Variants in SLC13A4 observed in about 807,000 individuals in gnomAD.
SLC13A4 encodes solute carrier family 13 member 4.
In SLC13A4, 28 loss-of-function variants were observed where a neutral mutation model predicts 72.7. The ratio of observed to expected loss-of-function variants is 0.39; its 90% CI spans 0.29 to 0.53. SLC13A4 has a LOEUF of 0.53. Ranked by LOEUF, SLC13A4 falls within the 20% of genes least tolerant of loss-of-function variation. The pLI, the probability that SLC13A4 is intolerant of heterozygous loss-of-function variation, is 0.78. For missense variants in SLC13A4, 653 were observed against 788.0 expected, an observed-to-expected ratio of 0.83 and a Z score of 2.05; for synonymous variants, 312 against 325.5, an observed-to-expected ratio of 0.96 and a Z score of 0.45.
At chr7:135,691,090 G>A in intron 13 of SLC13A4, 111 bp downstream of exon 13, 4 of 939,252 alleles carry the variant, frequency 4.3e-6, no homozygotes, top group Non-Finnish European at 4.6e-6. Context: ...CTTGAACCCA[G>A]GAGGCGGAGG....
chr7:135,701,153 G>A (rs550183145), intron 7 of SLC13A4, among the ~76,000 whole-genome samples: 6 of 152,260 alleles, frequency 3.9e-5, no homozygotes, highest in Admixed American at 1.3e-4. Flanking sequence ...TACATAATAA[G>A]CATTTAATAA....
intron 2 of SLC13A4, among the ~76,000 whole-genome samples, chr7:135,719,980 A>T: frequency 6.6e-6 from 1 of 151,914 alleles, no homozygotes; most frequent in African/African-American, 2.4e-5. Flanking sequence ...AGAGAGAAAG[A>T]GAGAGAAAGA....
Position 135,721,516 on chromosome 7 carries a change from G to A in SLC13A4, c.107C>T (p.Ser36Leu). ...AGTCACGATCAGCACGTAAGCACAC[G>A]AGGCCTCCTGCAAGGCAAGGAAAGG... ...LPVLHPSSEASCAYVLIVTAV... is the reference protein window; with the variant it reads ...LPVLHPSSEALCAYVLIVTAV... The change falls in exon 2 of 16, where the codon TCG (serine) becomes TTG (leucine). Residue 36 changes from serine to leucine, a missense_variant. Coordinates refer to ENST00000682651, the MANE Select transcript of SLC13A4 (RefSeq NM_001318192.2). 2 of 1,613,950 alleles carry A rather than the reference G, an allele frequency of 1.2e-6. No homozygotes were observed. The highest frequency in any genetic ancestry group is 1.7e-5 in the Admixed American group (1 of 60,018).
chr7:135,721,697 A>C (rs1000399103), intron 1 of SLC13A4, among the ~76,000 whole-genome samples, 174 bp from the exon 2 acceptor site: 4 of 152,174 alleles, frequency 2.6e-5, no homozygotes, highest in African/African-American at 9.7e-5. Flanking sequence ...TGGTGAGTCC[A>C]TCCTTTGGTG....
chr7:135,724,980 A>C (rs908032289), intron 1 of SLC13A4, among the ~76,000 whole-genome samples: 1 of 152,192 alleles, frequency 6.6e-6, no homozygotes, highest in Admixed American at 6.5e-5. Flanking sequence ...GCTGAACTGC[A>C]CTGGACTTCT....
intron 3 of SLC13A4, among the ~76,000 whole-genome samples, 187 bp from the exon 4 acceptor site, chr7:135,706,487 A>G (rs1796165097): frequency 6.6e-6 from 1 of 152,234 alleles, no homozygotes; most frequent in Non-Finnish European, 1.5e-5. Flanking sequence ...GTATTAAAGC[A>G]ATACTTCTTG....
At position 135,719,801 on chromosome 7, in the gene SLC13A4, G is replaced by A. The variant is rs868101643; in HGVS notation, c.228+1594C>T. Among the ~76,000 whole-genome samples, 27 of 137,820 alleles carry A rather than the reference G, an allele frequency of 2.0e-4. No individual in the cohort carries two copies. In the South Asian group the frequency reaches 3.7e-3, roughly 19 times the overall value. 90.4% of individuals were successfully genotyped at this position (137,820 alleles called of 152,430 possible). A position where few individuals can be genotyped will look rare whatever the true frequency, so the allele number is the denominator to read the frequency against. On this transcript the variant is annotated intron_variant, in intron 2 of 15. Transcript: ENST00000682651. ...GCCACATGTGTGTGTGTGTGTGTGT[G>A]TATGTGTGTGTGTGTGTGTGTGTGT... is the stretch of plus-strand genomic sequence containing the variant.
At chr7:135,705,305 G>A (rs1231856280) in intron 5 of SLC13A4, 1 of 348,858 alleles carries the variant, frequency 2.9e-6, no homozygotes. Flanking sequence ...GATTCTGCAT[G>A]GTGGCTGTGT....
intron 2 of SLC13A4, among the ~76,000 whole-genome samples, chr7:135,715,020 ATG>A (rs1384148027): frequency 1.3e-5 from 2 of 150,914 alleles, no homozygotes; most frequent in Non-Finnish European, 3.0e-5. Context: ...ATTTGTGTAT[ATG>A]TGAGTGTGAA....
chr7:135,711,311 C>G (rs1796296214), intron 2 of SLC13A4, among the ~76,000 whole-genome samples: 1 of 152,182 alleles, frequency 6.6e-6, no homozygotes, highest in South Asian at 2.1e-4. Flanking sequence ...GCTACGTTTT[C>G]TGCCTCTATC....
chr7:135,695,475 G>A lies in SLC13A4; in HGVS notation c.912C>T (p.Ala304=), dbSNP rs202049322. 19 of 1,614,064 alleles carry A rather than the reference G, an allele frequency of 1.2e-5. No individual in the cohort carries two copies. The highest frequency in any genetic ancestry group is 1.6e-4 in the Middle Eastern group (1 of 6,062). The change falls in exon 9 of 16, where the codon GCC becomes GCT. Residue 304 remains alanine (A), a synonymous_variant. Transcript: ENST00000682651. Reference sequence around the variant, plus strand: ...AGGTGCCAAAGTTCACCACCTCTGCGGCTGGATACTGGCTGGAGGGTAAAG... The same window carrying A: ...AGGTGCCAAAGTTCACCACCTCTGCAGCTGGATACTGGCTGGAGGGTAAAG... ...FLEHFNNQYP[A]AEVVNFGTWF...
At chr7:135,690,072 T>C (rs987517784) in intron 13 of SLC13A4, among the ~76,000 whole-genome samples, 2 of 150,758 alleles carry the variant, frequency 1.3e-5, no homozygotes, top group Admixed American at 1.3e-4. Context: ...TCCCAGCTAT[T>C]TGGGAGGCTG....
rs761799359 is a variant in SLC13A4, at chr7:135,721,423, G to C, written c.200C>G (p.Pro67Arg). The stretch of plus-strand genomic sequence containing the variant: ...ATTGGACCGGAGGACTCCGAAGAAC[G>C]GGTAAAGGAAGGCCGGCACCAGGGC... ...AAALVPAFLY[P>R]FFGVLRSNEV... Residue 67 changes from proline to arginine, a missense_variant, in exon 2 of 16, where the codon CCG (proline) becomes CGG (arginine). Transcript: ENST00000682651. 3 of 1,614,068 alleles carry C rather than the reference G, an allele frequency of 1.9e-6. No individual in the cohort carries two copies. The highest frequency in any genetic ancestry group is 1.7e-5 in the Admixed American group (1 of 60,020).
intron 2 of SLC13A4, among the ~76,000 whole-genome samples, chr7:135,715,332 T>C (rs1796401093): frequency 6.6e-6 from 1 of 151,240 alleles, no homozygotes; most frequent in Non-Finnish European, 1.5e-5. Flanking sequence ...TGTGAGTAAG[T>C]GTATGTATAT....
chr7:135,706,654 T>G (rs1372088127), intron 3 of SLC13A4, among the ~76,000 whole-genome samples: 1 of 152,206 alleles, frequency 6.6e-6, no homozygotes, highest in Non-Finnish European at 1.5e-5. Context: ...TGATGTGTGT[T>G]TGTGTGTGGA....
intron 1 of SLC13A4, among the ~76,000 whole-genome samples, chr7:135,727,144 G>A (rs896934851): frequency 6.6e-6 from 1 of 152,226 alleles, no homozygotes; most frequent in Non-Finnish European, 1.5e-5. Context: ...AGTCACTTCT[G>A]CCAAGGCCCC....
chr7:135,686,059 G>A (rs1795615928), intron 13 of SLC13A4, among the ~76,000 whole-genome samples: 2 of 152,144 alleles, frequency 1.3e-5, no homozygotes, highest in Non-Finnish European at 1.5e-5. Context: ...GCATTGATTC[G>A]ACAATGCCCT....
intron 3 of SLC13A4, among the ~76,000 whole-genome samples, 162 bp from the exon 4 acceptor site, chr7:135,706,462 C>T (rs982536651): frequency 3.3e-5 from 5 of 152,210 alleles, no homozygotes; most frequent in African/African-American, 1.2e-4. Flanking sequence ...ACTCCCAATG[C>T]TTGGCACAGC....
intron 2 of SLC13A4, among the ~76,000 whole-genome samples, chr7:135,715,112 TGA>T (rs1243130189): frequency 6.6e-6 from 1 of 151,560 alleles, no homozygotes; most frequent in Non-Finnish European, 1.5e-5. Context: ...TGAGCGTGTA[TGA>T]GTTTATGTGT....
Sources: allele counts gnomAD v4.1 joint callset (sites outside exome capture counted in the v4.1 genomes callset), GRCh38; gene constraint gnomAD v4.1.1; transcripts MANE v1.5; gene names NCBI Gene and HGNC (gene_info 2026-07-23, HGNC 2026-07-21).